Variants in WWOX observed in about 807,000 individuals in gnomAD.
The protein encoded by WWOX is WW domain containing oxidoreductase.
WWOX carries 69 observed loss-of-function variants against 46.2 expected under a neutral mutation model. The observed-to-expected ratio is 1.49, with a 90% CI of 1.23 to 1.82. WWOX has a LOEUF of 1.82. Among genes scored for constraint, WWOX ranks in the 40% most tolerant of loss-of-function variants. WWOX has a pLI of 0.00. For synonymous variants in WWOX, 359 were observed against 202.6 expected, an observed-to-expected ratio of 1.77 and a Z score of -6.56; for missense variants, 919 against 542.6, an observed-to-expected ratio of 1.69 and a Z score of -6.89.
intron 8 of WWOX, among the ~76,000 whole-genome samples, chr16:78,468,539 G>T (rs1199972711): frequency 2.0e-5 from 3 of 152,096 alleles, no homozygotes; most frequent in Non-Finnish European, 4.4e-5. Context: ...CCTCTTAGAA[G>T]AGATTTCAGG....
chr16:78,149,665 C>G (rs563478652), intron 4 of WWOX, among the ~76,000 whole-genome samples: 1 of 152,272 alleles, frequency 6.6e-6, no homozygotes, highest in African/African-American at 2.4e-5. Context: ...GTAGGTTTAG[C>G]TTAAATTATA....
Position 78,351,681 on chromosome 16 carries a change from G to C in WWOX, c.517-35179G>C, listed in dbSNP as rs139580102. ...GTGTTTTTTGTTAGTTTTTGAGACA[G>C]AGTCTCGGTCTCTTGCCCAGGCTGG... On this transcript the variant is annotated intron_variant, in intron 5 of 8. Transcript: ENST00000566780. 1.1e-4 allele frequency among the ~76,000 whole-genome samples: 16 copies of C among 152,286 alleles called. No individual in the cohort carries two copies. In the East Asian group the frequency reaches 2.7e-3, roughly 26 times the overall value.
At chr16:78,403,591 A>G (rs1416416923) in intron 6 of WWOX, among the ~76,000 whole-genome samples, 2 of 152,120 alleles carry the variant, frequency 1.3e-5, no homozygotes, top group Admixed American at 1.3e-4. Flanking sequence ...TGAGGGTTGC[A>G]TTTTATGTAT....
chr16:78,639,043 G>A (rs8043742), intron 8 of WWOX, among the ~76,000 whole-genome samples: 4,769 of 152,194 alleles, frequency 0.031, 262 homozygotes, highest in African/African-American at 0.11. Context: ...GTCTTATGGG[G>A]GATGAACAGA....
At chr16:78,728,062 T>TCC (rs1167644176) in intron 8 of WWOX, among the ~76,000 whole-genome samples, 2 of 136,026 alleles carry the variant, frequency 1.5e-5, no homozygotes, top group Non-Finnish European at 3.1e-5. Context: ...TTCCTTTTTT[T>TCC]TTTTTTTTTT....
intron 8 of WWOX, among the ~76,000 whole-genome samples, chr16:78,438,005 C>G (rs758335763): frequency 6.6e-6 from 1 of 152,008 alleles, no homozygotes; most frequent in African/African-American, 2.4e-5. Context: ...ATTCACAAAA[C>G]CAGGTGTTGT....
chr16:78,550,282 G>A (rs1165435302), intron 8 of WWOX, among the ~76,000 whole-genome samples: 2 of 152,162 alleles, frequency 1.3e-5, no homozygotes, highest in Non-Finnish European at 2.9e-5. Flanking sequence ...AACAGCATCT[G>A]CAAACTTTGC....
At chr16:79,181,800 A>G (rs1188823373) in intron 8 of WWOX, among the ~76,000 whole-genome samples, 3 of 152,148 alleles carry the variant, frequency 2.0e-5, no homozygotes, top group Admixed American at 6.5e-5. Context: ...CCTGCAAACA[A>G]TCCCACTGCA....
chr16:79,139,410 C>G (rs984587633), intron 8 of WWOX, among the ~76,000 whole-genome samples: 1 of 152,186 alleles, frequency 6.6e-6, no homozygotes, highest in Non-Finnish European at 1.5e-5. Context: ...CTGTAACACA[C>G]TTTGCCTGCA....
chr16:78,438,332 C>T (rs2083376825), intron 8 of WWOX, among the ~76,000 whole-genome samples: 1 of 152,098 alleles, frequency 6.6e-6, no homozygotes, highest in African/African-American at 2.4e-5. Context: ...ATTGCAGCTG[C>T]ATTTGCTTTG....
chr16:78,638,122 A>G (rs1429295800), intron 8 of WWOX, among the ~76,000 whole-genome samples: 1 of 152,146 alleles, frequency 6.6e-6, no homozygotes, highest in African/African-American at 2.4e-5. Flanking sequence ...ATAACTGCCC[A>G]ATATCAGGCA....
rs981335119 is a variant in WWOX at position 78,138,206 on chromosome 16, A to T, written c.409+23052A>T. On this transcript the variant is annotated intron_variant, in intron 4 of 8. Coordinates refer to ENST00000566780, the MANE Select transcript of WWOX (RefSeq NM_016373.4). ...CTGATAATCCTGCAAGAGCCAGCCC[A>T]GTTTTGCTGACAGCACAGTCTGCTG... 6.6e-5 allele frequency among the ~76,000 whole-genome samples: 10 copies of T among 150,778 alleles called. 2 individuals are homozygous for T. Among genetic ancestry groups the T allele is most frequent in the African/African-American group, 2.4e-4 (10 of 40,872 alleles).
At chr16:78,607,810 T>C (rs1325615659) in intron 8 of WWOX, among the ~76,000 whole-genome samples, 1 of 152,048 alleles carries the variant, frequency 6.6e-6, no homozygotes, top group Non-Finnish European at 1.5e-5. Context: ...AGCGTGTCTT[T>C]TGGTGCCACG....
chr16:78,570,588 A>G (rs745677350), intron 8 of WWOX, among the ~76,000 whole-genome samples: 2 of 152,126 alleles, frequency 1.3e-5, no homozygotes, highest in East Asian at 3.9e-4. Flanking sequence ...TACAGGGATT[A>G]TAGGTGTGAG....
chr16:78,799,733 G>C (rs1597630769), intron 8 of WWOX, among the ~76,000 whole-genome samples: 1 of 152,168 alleles, frequency 6.6e-6, no homozygotes, highest in Admixed American at 6.5e-5. Flanking sequence ...TCTAAAGAAA[G>C]TACACAAATG....
At chr16:78,913,448 C>G (rs534573853) in intron 8 of WWOX, among the ~76,000 whole-genome samples, 2 of 152,054 alleles carry the variant, frequency 1.3e-5, no homozygotes, top group South Asian at 2.1e-4. Flanking sequence ...CCTCACGGCT[C>G]TTTCCCCTGC....
chr16:78,152,211 A>G (rs559122835), intron 4 of WWOX, among the ~76,000 whole-genome samples: 17 of 149,766 alleles, frequency 1.1e-4, no homozygotes, highest in African/African-American at 3.9e-4. Context: ...AAAAAAAATT[A>G]TAACATGGAA....
At chr16:78,256,290 A>G (rs1251115630) in intron 5 of WWOX, among the ~76,000 whole-genome samples, 1 of 152,040 alleles carries the variant, frequency 6.6e-6, no homozygotes, top group Non-Finnish European at 1.5e-5. Flanking sequence ...AATGAGGAGA[A>G]CCAAAGCTGG....
At chr16:78,954,115 T>G (rs2046117342) in intron 8 of WWOX, among the ~76,000 whole-genome samples, 1 of 152,208 alleles carries the variant, frequency 6.6e-6, no homozygotes, top group South Asian at 2.1e-4. Context: ...TTTTTCTTTT[T>G]TAAATTGTTA....
Sources: allele counts gnomAD v4.1 joint callset (sites outside exome capture counted in the v4.1 genomes callset), GRCh38; gene constraint gnomAD v4.1.1; transcripts MANE v1.5; gene names NCBI Gene and HGNC (gene_info 2026-07-23, HGNC 2026-07-21).